The following PRKD2 variants were observed in gnomAD, a reference collection of about 807,000 sequenced individuals.
The protein encoded by PRKD2 is protein kinase D2.
A neutral mutation model predicts 86.0 loss-of-function variants in PRKD2; 22 were observed. The ratio of observed to expected loss-of-function variants is 0.26; its 90% CI spans 0.18 to 0.37. PRKD2 has a LOEUF of 0.37. PRKD2 is among the 10% of genes least tolerant of loss of function. PRKD2 has a pLI of 1.00. For synonymous variants in PRKD2, 509 were observed against 510.9 expected, an observed-to-expected ratio of 1.00 and a Z score of 0.05; for missense variants, 818 against 1,199.2, an observed-to-expected ratio of 0.68 and a Z score of 4.70.
At position 46,678,420 on chromosome 19, in the gene PRKD2, G is replaced by T; in HGVS notation, c.2314C>A (p.Pro772Thr). Residue 772 changes from proline (P) to threonine (T), a missense_variant, in exon 16 of 18, where the codon CCC (proline) becomes ACC (threonine). Coordinates refer to ENST00000291281, the MANE Select transcript of PRKD2 (RefSeq NM_016457.5). This position sits in a 1 kb window ranked among gnomAD's most constrained non-coding sequence, Gnocchi z 5.7. Reference sequence around the variant, plus strand: ...CCTCCAGCTGAGATGTGGCTCCAGGGGCTGGCCGGGTACATGAAGGCGGCG... The same window carrying T: ...CCTCCAGCTGAGATGTGGCTCCAGGTGCTGGCCGGGTACATGAAGGCGGCG... ...QNAAFMYPAS[P>T]WSHISAGAID... 13 of 1,614,118 alleles carry T rather than the reference G, an allele frequency of 8.1e-6. No homozygotes were observed. Among genetic ancestry groups the T allele is most frequent in the Non-Finnish European group, 1.1e-5 (13 of 1,180,012 alleles).
chr19:46,715,932 AC>A (rs1012216974), intron 1 of PRKD2, among the ~76,000 whole-genome samples, 198 bp downstream of exon 1: 2 of 152,082 alleles, frequency 1.3e-5, no homozygotes, highest in African/African-American at 4.8e-5. Flanking sequence ...CCTCTGGGGC[AC>A]CCCACCCCTG....
rs1363945528 is a variant in PRKD2, at chr19:46,710,894, CT to C, written c.511+12del. 2.6e-5 allele frequency: 40 copies of C among 1,563,390 alleles called. No homozygotes were observed. The highest frequency in any genetic ancestry group is 3.2e-5 in the Non-Finnish European group (37 of 1,153,506). On this transcript the variant is annotated intron_variant, in intron 3 of 17. Coordinates refer to ENST00000291281, the MANE Select transcript of PRKD2 (RefSeq NM_016457.5). ...CCCGCCCCAGGCCCCGCCCCCAACC[CT>C]TTAGCTCTCACCATCGCACTTGAGG...
intron 3 of PRKD2, among the ~76,000 whole-genome samples, chr19:46,704,934 A>T (rs10405912): frequency 0.5 from 73,228 of 145,614 alleles, 18,798 homozygotes; most frequent in Middle Eastern, 0.6. Context: ...CCAACAAGGG[A>T]CACCTCAAAG....
At chr19:46,674,829 A>G in intron 17 of PRKD2, 94 bp from the exon 18 acceptor site, 1 of 1,378,468 alleles carries the variant, frequency 7.3e-7, no homozygotes, top group Non-Finnish European at 9.8e-7. Flanking sequence ...GTACCAATGA[A>G]GGTGAAGCCA....
Position 46,681,634 on chromosome 19 carries a change from A to AG in PRKD2, c.2070+15dup. 6.8e-7 allele frequency: 1 copy of AG among 1,467,580 alleles called. No individual in the cohort carries two copies. Among genetic ancestry groups the AG allele is most frequent in the South Asian group, 1.1e-5 (1 of 87,240 alleles). 90.9% of individuals were successfully genotyped at this position (1,467,580 alleles called of 1,614,324 possible). A position where few individuals can be genotyped will look rare whatever the true frequency, so the allele number is the denominator to read the frequency against. On this transcript the variant is annotated intron_variant, in intron 15 of 17. Coordinates refer to ENST00000291281, the MANE Select transcript of PRKD2 (RefSeq NM_016457.5). ...GTTGCCTGGATTTCCCCAAATCAGG[A>AG]GGGGACATAACTGACCTGAGGAAAT...
intron 3 of PRKD2, among the ~76,000 whole-genome samples, chr19:46,709,987 T>A (rs561450385): frequency 6.6e-6 from 1 of 152,100 alleles, no homozygotes; most frequent in East Asian, 1.9e-4. Flanking sequence ...AACCTCCTCC[T>A]CTCAGGTCCA....
chr19:46,687,584 C>T (rs1238956086), intron 14 of PRKD2, among the ~76,000 whole-genome samples: 1 of 152,168 alleles, frequency 6.6e-6, no homozygotes, highest in Non-Finnish European at 1.5e-5. Context: ...ATAATAGCAC[C>T]TACTGCACAG....
At chr19:46,702,031 G>GTTTTTTTTTTTTTTTTTTTTT (rs869150137) in intron 5 of PRKD2, among the ~76,000 whole-genome samples, 1 of 122,156 alleles carries the variant, frequency 8.2e-6, no homozygotes. Context: ...CTATGATTCT[G>GTTTTTTTTTTTTTTTTTTTTT]TTTTTTGTTT....
At chr19:46,711,182 C>A in intron 2 of PRKD2, 144 bp from the exon 3 acceptor site, 2 of 1,227,668 alleles carry the variant, frequency 1.6e-6, no homozygotes, top group East Asian at 5.2e-5. Flanking sequence ...ATACTACATT[C>A]TGCCTGGGTT....
rs533108328 is a variant in PRKD2 at position 46,676,944 on chromosome 19, CCA to C, written c.2338+1450_2338+1451del. 5.3e-5 allele frequency among the ~76,000 whole-genome samples: 8 copies of C among 151,954 alleles called. No homozygotes were observed. In the South Asian group the frequency reaches 1.7e-3, roughly 32 times the overall value. On this transcript the variant is annotated intron_variant, in intron 16 of 17. Transcript: ENST00000291281. ...GGCATGGTGCTGTGTGCCTGTAATC[CCA>C]GTTACTCGGGAGGCTGAGGCAGGAG...
chr19:46,701,957 C>A (rs561300568), intron 5 of PRKD2, among the ~76,000 whole-genome samples: 1 of 151,530 alleles, frequency 6.6e-6, no homozygotes, highest in Admixed American at 6.6e-5. Context: ...AGTGTTTCCA[C>A]GGTTCTAGGG....
chr19:46,700,163 G>C (rs1328847545), intron 7 of PRKD2, among the ~76,000 whole-genome samples: 2 of 152,096 alleles, frequency 1.3e-5, no homozygotes, highest in Non-Finnish European at 2.9e-5. Flanking sequence ...TTGAACCCAG[G>C]AGACAGAGGT....
At chr19:46,686,409 G>A (rs2053397801) in intron 14 of PRKD2, among the ~76,000 whole-genome samples, 1 of 151,620 alleles carries the variant, frequency 6.6e-6, no homozygotes, top group South Asian at 2.1e-4. Flanking sequence ...ACTGAGATGG[G>A]AGGATCGCTC....
chr19:46,700,051 CAT>C (rs759973989), intron 7 of PRKD2, among the ~76,000 whole-genome samples: 15 of 151,582 alleles, frequency 9.9e-5, no homozygotes, highest in Non-Finnish European at 2.1e-4. Flanking sequence ...GCCTGACCAA[CAT>C]GGCAAAACCC....
At chr19:46,700,707 G>A (rs2053622910) in intron 7 of PRKD2, 92 bp downstream of exon 7, 1 of 1,457,986 alleles carries the variant, frequency 6.9e-7, no homozygotes, top group Non-Finnish European at 9.3e-7. Context: ...ATAAATATGA[G>A]GTGATGTCAG....
intron 9 of PRKD2, among the ~76,000 whole-genome samples, chr19:46,696,811 G>C (rs2053565490): frequency 6.6e-6 from 1 of 152,106 alleles, no homozygotes; most frequent in African/African-American, 2.4e-5. Context: ...TAGAATTACT[G>C]GGAGCTTAAT....
At chr19:46,701,432 C>A (rs2053633652) in intron 5 of PRKD2, among the ~76,000 whole-genome samples, 1 of 151,594 alleles carries the variant, frequency 6.6e-6, no homozygotes, top group African/African-American at 2.4e-5. Flanking sequence ...ACCAGCCTGC[C>A]CTACATGGTA....
chr19:46,698,007 G>A (rs183274419), intron 7 of PRKD2, among the ~76,000 whole-genome samples, 157 bp from the exon 8 acceptor site: 1 of 152,152 alleles, frequency 6.6e-6, no homozygotes, highest in East Asian at 1.9e-4. Flanking sequence ...CCCGGGAGTT[G>A]CTTTTTGTTT....
chr19:46,702,260 G>C (rs117009391), intron 5 of PRKD2, among the ~76,000 whole-genome samples: 4,762 of 151,876 alleles, frequency 0.031, 134 homozygotes, highest in Non-Finnish European at 0.051. Context: ...AGCTGGTCTT[G>C]AACTCCTGGG....
Sources: allele counts gnomAD v4.1 joint callset (sites outside exome capture counted in the v4.1 genomes callset), GRCh38; gene constraint gnomAD v4.1.1; non-coding constraint Gnocchi (gnomAD v3.1); transcripts MANE v1.5; gene names NCBI Gene and HGNC (gene_info 2026-07-23, HGNC 2026-07-21).